The following MTUS1 variants were observed in gnomAD, a reference collection of about 807,000 sequenced individuals.
MTUS1 encodes microtubule-associated tumor suppressor 1.
A neutral mutation model predicts 120.8 loss-of-function variants in MTUS1; 109 were observed. That is an observed-to-expected ratio of 0.90 (90% CI 0.77 to 1.06). MTUS1 has a LOEUF of 1.06. Among genes scored for constraint, MTUS1 ranks in the 50% least tolerant of loss-of-function variants. The pLI, the probability that MTUS1 is intolerant of heterozygous loss-of-function variation, is 0.00. For missense variants in MTUS1, 2,210 were observed against 1,486.3 expected (o/e 1.49, Z -8.01); for synonymous variants, 737 against 550.5 (o/e 1.34, Z -4.74).
chr8:17,646,927 C>T, intron 14 of MTUS1, 55 bp downstream of exon 14: 1 of 1,322,344 alleles, frequency 7.6e-7, no homozygotes, highest in Non-Finnish European at 1.1e-6. Flanking sequence ...AGAAAGTACA[C>T]TGGATGTCCA....
chr8:17,744,864 T>TAA (rs1479775986), intron 2 of MTUS1, among the ~76,000 whole-genome samples: 1 of 152,078 alleles, frequency 6.6e-6, no homozygotes, highest in Non-Finnish European at 1.5e-5. Context: ...TGCCAAGCAG[T>TAA]AAATCTTTGA....
chr8:17,701,632 CCACCTCTCGGGTT>C (rs1563228741), intron 6 of MTUS1, among the ~76,000 whole-genome samples: 1 of 152,082 alleles, frequency 6.6e-6, no homozygotes, highest in African/African-American at 2.4e-5. Flanking sequence ...ACTGCAAGCT[CCACCTCTCGGGTT>C]CAAGTGATTC....
At chr8:17,770,139 G>C (rs989012780) in intron 1 of MTUS1, among the ~76,000 whole-genome samples, 2 of 152,058 alleles carry the variant, frequency 1.3e-5, no homozygotes, top group African/African-American at 4.8e-5. Context: ...GAGAGTTTTT[G>C]TACTTGATAT....
intron 6 of MTUS1, among the ~76,000 whole-genome samples, chr8:17,693,625 CTT>C (rs1018964195): frequency 5.9e-5 from 9 of 152,308 alleles, no homozygotes; most frequent in African/African-American, 2.2e-4. Context: ...GTCGGAAACA[CTT>C]TGTTTCTTAG....
chr8:17,669,335 G>C (rs1811535685), intron 8 of MTUS1, among the ~76,000 whole-genome samples: 1 of 152,172 alleles, frequency 6.6e-6, no homozygotes. Flanking sequence ...GTGCACTCCA[G>C]GCAGAGAGGA....
At chr8:17,689,315 CT>C (rs1816485741) in intron 6 of MTUS1, among the ~76,000 whole-genome samples, 1 of 152,126 alleles carries the variant, frequency 6.6e-6, no homozygotes, top group Non-Finnish European at 1.5e-5. Context: ...CTTTTCATTA[CT>C]ATATTGGTAG....
chr8:17,726,354 C>A (rs762193503), intron 3 of MTUS1, among the ~76,000 whole-genome samples: 1 of 152,168 alleles, frequency 6.6e-6, no homozygotes, highest in Non-Finnish European at 1.5e-5. Context: ...TCTCCTCACA[C>A]CATGTACTTG....
rs141775374 is a variant in MTUS1 at position 17,656,545 on chromosome 8, AC to A, written c.2906-481del. 7.5e-5 allele frequency among the ~76,000 whole-genome samples: 8 copies of A among 106,038 alleles called. No homozygotes were observed. The South Asian group carries it at 1.5e-3, about 20-fold the overall frequency. 69.6% of individuals were successfully genotyped at this position (106,038 alleles called of 152,430 possible). ...TCCATCTCAAAAACAAACAAACAAA[AC>A]CCCCCCCCACCCCACATTCAAAAAA... On this transcript the variant is annotated intron_variant, in intron 8 of 14. Transcript: ENST00000693296.
chr8:17,659,420 G>T (rs1348387636), intron 8 of MTUS1, among the ~76,000 whole-genome samples: 2 of 152,140 alleles, frequency 1.3e-5, no homozygotes, highest in Non-Finnish European at 2.9e-5. Context: ...ATGAGGGCTG[G>T]GCACAGTGGC....
chr8:17,684,602 C>A, intron 6 of MTUS1, 60 bp from the exon 7 acceptor site: 1 of 1,358,430 alleles, frequency 7.4e-7, no homozygotes, highest in South Asian at 1.2e-5. Flanking sequence ...AAATCACCAC[C>A]ACAAGGATTC....
At chr8:17,705,264 G>A (rs557442045) in intron 6 of MTUS1, among the ~76,000 whole-genome samples, 4 of 152,246 alleles carry the variant, frequency 2.6e-5, no homozygotes, top group Non-Finnish European at 4.4e-5. Flanking sequence ...GATTACAGGC[G>A]TGAGCCACCA....
At chr8:17,646,909 G>C (rs1805910306) in intron 14 of MTUS1, 73 bp downstream of exon 14, 7 of 1,031,084 alleles carry the variant, frequency 6.8e-6, no homozygotes, top group South Asian at 1.3e-5. Context: ...CAGGGGTAGA[G>C]CGTGTCCAGA....
At chr8:17,740,445 A>T (rs1192631915) in intron 3 of MTUS1, among the ~76,000 whole-genome samples, 3 of 152,216 alleles carry the variant, frequency 2.0e-5, no homozygotes, top group Non-Finnish European at 4.4e-5. Context: ...ATTTGGTTTC[A>T]ATTTGCTAAT....
chr8:17,738,610 G>C (rs762928667), intron 3 of MTUS1, among the ~76,000 whole-genome samples: 1 of 152,082 alleles, frequency 6.6e-6, no homozygotes, highest in Non-Finnish European at 1.5e-5. Flanking sequence ...GGCTGTGCAG[G>C]TTTGTTACAT....
At chr8:17,687,823 A>C (rs1057497357) in intron 6 of MTUS1, among the ~76,000 whole-genome samples, 1 of 152,182 alleles carries the variant, frequency 6.6e-6, no homozygotes, top group Non-Finnish European at 1.5e-5. Flanking sequence ...ACCTCAATTT[A>C]ATAAGATTTA....
intron 1 of MTUS1, among the ~76,000 whole-genome samples, chr8:17,799,419 TTTC>T (rs2052505712): frequency 6.6e-6 from 1 of 152,074 alleles, no homozygotes; most frequent in Non-Finnish European, 1.5e-5. Flanking sequence ...ATAAAAAATT[TTTC>T]TATATATTAA....
intron 3 of MTUS1, chr8:17,734,075 T>C (rs906312024): frequency 6.6e-6 from 1 of 152,222 alleles, no homozygotes; most frequent in African/African-American, 2.4e-5. Context: ...TATTAAATTT[T>C]AGTATTATAA....
At chr8:17,723,895 T>G (rs435289) in intron 3 of MTUS1, 62 bp from the exon 4 acceptor site, 2 of 1,408,280 alleles carry the variant, frequency 1.4e-6, no homozygotes, top group Non-Finnish European at 1.9e-6. Flanking sequence ...TGGCACTTTT[T>G]AAGCCTGTAA....
chr8:17,782,650 A>T (rs1263583605), intron 1 of MTUS1, among the ~76,000 whole-genome samples: 1 of 152,226 alleles, frequency 6.6e-6, no homozygotes, highest in African/African-American at 2.4e-5. Flanking sequence ...CCATCATGAC[A>T]TCAAAACTGA....
Sources: gnomAD v4.1 joint callset for allele counts (sites outside exome capture counted in the v4.1 genomes callset) on GRCh38, gnomAD v4.1.1 for gene constraint, MANE v1.5 for transcripts, NCBI Gene and HGNC (gene_info 2026-07-23, HGNC 2026-07-21) for gene names.